The following MGAT3 variants were observed in gnomAD, a reference collection of about 807,000 sequenced individuals.
MGAT3 encodes the protein beta-1,4-mannosyl-glycoprotein 4-beta-N-acetylglucosaminyltransferase, also known as GlcNAc-T III.
In MGAT3, 9 loss-of-function variants were observed where a neutral mutation model predicts 29.8. That is an observed-to-expected ratio of 0.30 (90% CI 0.18 to 0.53). The LOEUF (loss-of-function observed/expected upper bound fraction) is 0.53, where lower values mean the gene tolerates loss of function less well. Ranked by LOEUF, MGAT3 falls within the 20% of genes least tolerant of loss-of-function variation. MGAT3 has a pLI of 0.96. For missense variants in MGAT3, 557 were observed against 769.5 expected (o/e 0.72, Z 3.27); for synonymous variants, 397 against 348.9 (o/e 1.14, Z -1.54).
At position 39,487,779 on chromosome 22, in the gene MGAT3, G is replaced by A. The variant is rs749520488; in HGVS notation, c.432G>A (p.Ser144=). 5.4e-6 allele frequency: 8 copies of A among 1,491,862 alleles called. No individual in the cohort carries two copies. The highest frequency in any genetic ancestry group is 7.1e-6 in the Non-Finnish European group (8 of 1,123,520). 92.4% of individuals were successfully genotyped at this position (1,491,862 alleles called of 1,614,324 possible). A position where few individuals can be genotyped will look rare whatever the true frequency, so the allele number is the denominator to read the frequency against. ...EEKPEGANGS[S]ARRPPRYLLS... ...AGCCTGAGGGGGCCAACGGCTCCTC[G>A]GCCCGGCGGCCACCCCGGTACCTCC... The change falls in exon 2 of 2, where the codon TCG becomes TCA. Residue 144 remains serine, a synonymous_variant. Coordinates refer to ENST00000341184, the MANE Select transcript of MGAT3 (RefSeq NM_002409.5). This position sits in a 1 kb window ranked among gnomAD's most constrained non-coding sequence, Gnocchi z 5.7.
At chr22:39,475,127 G>GTTTTTTTTTTTTTTTT (rs1928916246) in intron 1 of MGAT3, among the ~76,000 whole-genome samples, 3 of 113,106 alleles carry the variant, frequency 2.7e-5, no homozygotes, top group African/African-American at 1.4e-4. Context: ...GGCTTGCCAG[G>GTTTTTTTTTTTTTTTT]CTTTTTTTTT....
In MGAT3 at chr22:39,490,255, A is replaced by G. The variant is rs1480472918; in HGVS notation, c.*1306A>G. 1 of 167,110 alleles carries G rather than the reference A, an allele frequency of 6.0e-6. No homozygotes were observed. Among genetic ancestry groups the G allele is most frequent in the African/African-American group, 2.4e-5 (1 of 41,454 alleles). 10.4% of individuals were successfully genotyped at this position (167,110 alleles called of 1,614,324 possible). On this transcript the variant is annotated 3_prime_UTR_variant, in exon 2 of 2. Coordinates refer to ENST00000341184, the MANE Select transcript of MGAT3 (RefSeq NM_002409.5). ...CCAAGCCTGGGGGAAGCAGAAATAG[A>G]CAAGAGGGCACACCCACTTTTTGCT...
intron 1 of MGAT3, among the ~76,000 whole-genome samples, chr22:39,479,136 G>A (rs530166954): frequency 2.0e-5 from 3 of 152,332 alleles, no homozygotes; most frequent in Admixed American, 6.5e-5. Context: ...CCAGGAGGTC[G>A]AGACCAGCTT....
In MGAT3 at chr22:39,479,510, C is replaced by T. The variant is rs1929063159; in HGVS notation, c.-1-7837C>T. Among the ~76,000 whole-genome samples, 3 of 152,328 alleles carry T rather than the reference C, an allele frequency of 2.0e-5. No homozygotes were observed. In the South Asian group the frequency reaches 6.2e-4, roughly 32 times the overall value. ...CCACAGCAGGTTTAGGTTTTGCTCCCTGTTGCCCTGAGATAGGACAGCACC... is the reference window on the plus strand; with the variant it reads ...CCACAGCAGGTTTAGGTTTTGCTCCTTGTTGCCCTGAGATAGGACAGCACC... On this transcript the variant is annotated intron_variant, in intron 1 of 1. Coordinates refer to ENST00000341184, the MANE Select transcript of MGAT3 (RefSeq NM_002409.5).
In MGAT3 at chr22:39,488,682, C is replaced by T; in HGVS notation, c.1335C>T (p.Asp445=). The T allele has an allele frequency of 6.2e-7, 1 of 1,613,868 alleles. No homozygotes were observed. Among genetic ancestry groups the T allele is most frequent in the Non-Finnish European group, 8.5e-7 (1 of 1,180,026 alleles). Residue 445 remains aspartate (D), a synonymous_variant, in exon 2 of 2, where the codon GAC becomes GAT. Coordinates refer to ENST00000341184, the MANE Select transcript of MGAT3 (RefSeq NM_002409.5). ...ATGGCGACTTCCCACGCTGGGGTGACTACGAGGACAAGCGGGACCTGAACT... is the reference window on the plus strand; with the variant it reads ...ATGGCGACTTCCCACGCTGGGGTGATTACGAGGACAAGCGGGACCTGAACT... The part of the protein sequence containing the change: ...AQNGDFPRWG[D]YEDKRDLNYI...
rs1024721055 is a variant in MGAT3 at position 39,472,779 on chromosome 22, A to C, written c.-1-14568A>C. On this transcript the variant is annotated intron_variant, in intron 1 of 1. Transcript: ENST00000341184. ...GACAAGGTTAGTTCCTCCTGCAGTCATCTAACTGACACCTGGGCTCAGCCT... is the reference window on the plus strand; with the variant it reads ...GACAAGGTTAGTTCCTCCTGCAGTCCTCTAACTGACACCTGGGCTCAGCCT... 12 of 152,260 alleles carry C rather than the reference A, an allele frequency of 7.9e-5. 1 individual carries two copies. Among genetic ancestry groups the C allele is most frequent in the Admixed American group, 5.2e-4 (8 of 15,282 alleles). 9.4% of individuals were successfully genotyped at this position (152,260 alleles called of 1,614,324 possible).
intron 1 of MGAT3, among the ~76,000 whole-genome samples, chr22:39,460,946 C>T (rs1159363277): frequency 2.6e-5 from 4 of 152,136 alleles, no homozygotes. Flanking sequence ...CACCACCTGC[C>T]CTTCGAGATG....
At chr22:39,483,441 C>T (rs994855785) in intron 1 of MGAT3, among the ~76,000 whole-genome samples, 2 of 151,866 alleles carry the variant, frequency 1.3e-5, no homozygotes, top group African/African-American at 4.8e-5. Context: ...GCTGAGATCG[C>T]ACCATTGCAC....
intron 1 of MGAT3, among the ~76,000 whole-genome samples, chr22:39,464,585 C>T (rs1445436171): frequency 4.6e-5 from 7 of 151,448 alleles, no homozygotes; most frequent in East Asian, 1.9e-4. Context: ...GGATTATAGA[C>T]GCCCACCACC....
At position 39,488,498 on chromosome 22, in the gene MGAT3, G is replaced by A. The variant is rs760872307; in HGVS notation, c.1151G>A (p.Arg384His). 6.2e-7 allele frequency: 1 copy of A among 1,613,060 alleles called. No homozygotes were observed. The highest frequency in any genetic ancestry group is 8.5e-7 in the Non-Finnish European group (1 of 1,180,022). ...YGLDGIRLRR[R>H]QYYTMPNFRQ... is the part of the protein sequence containing the mutation. ...CTGGACGGCATCCGCCTGCGCCGCC[G>A]CCAGTACTACACCATGCCCAACTTC... is the stretch of plus-strand genomic sequence containing the variant. Residue 384 changes from arginine to histidine, a missense_variant, in exon 2 of 2, where the codon CGC becomes CAC. By Grantham distance (29) the Arg-to-His change is conservative. Coordinates refer to ENST00000341184, the MANE Select transcript of MGAT3 (RefSeq NM_002409.5).
chr22:39,465,643 T>G (rs1453055000), intron 1 of MGAT3, among the ~76,000 whole-genome samples: 1 of 152,078 alleles, frequency 6.6e-6, no homozygotes, highest in African/African-American at 2.4e-5. Flanking sequence ...TGGCCCATGG[T>G]TCCTGAGATA....
chr22:39,482,290 T>C (rs1929150184), intron 1 of MGAT3, among the ~76,000 whole-genome samples: 1 of 152,120 alleles, frequency 6.6e-6, no homozygotes, highest in Non-Finnish European at 1.5e-5. Context: ...TGCCCAGCTT[T>C]GATGAAGCTT....
At position 39,471,656 on chromosome 22, in the gene MGAT3, C is replaced by A. The variant is rs8137052; in HGVS notation, c.-2+14099C>A. On this transcript the variant is annotated intron_variant, in intron 1 of 1. Coordinates refer to ENST00000341184, the MANE Select transcript of MGAT3 (RefSeq NM_002409.5). ...TGCCCTTGGGAGTCCCCCTGTCCCC[C>A]ACACCACACAGGGCATCGGTTCTAT... Among the ~76,000 whole-genome samples, 96 of 152,002 alleles carry A rather than the reference C, an allele frequency of 6.3e-4. 1 individual carries two copies. Among genetic ancestry groups the A allele is most frequent in the Non-Finnish European group, 2.8e-4 (19 of 67,966 alleles).
intron 1 of MGAT3, among the ~76,000 whole-genome samples, chr22:39,465,955 A>G (rs1490259079): frequency 2.0e-5 from 3 of 151,752 alleles, no homozygotes; most frequent in Non-Finnish European, 4.4e-5. Context: ...AAAAGAAAAG[A>G]AAAAAGCCTG....
intron 1 of MGAT3, chr22:39,477,529 C>T (rs1399376124): frequency 4.7e-5 from 7 of 148,890 alleles, no homozygotes; most frequent in South Asian, 2.2e-4. Context: ...GGTCGTCCAG[C>T]GGGAAACCCA....
chr22:39,470,014 C>T (rs1297718104), intron 1 of MGAT3, among the ~76,000 whole-genome samples: 1 of 152,246 alleles, frequency 6.6e-6, no homozygotes, highest in Non-Finnish European at 1.5e-5. Flanking sequence ...ATCTGGGCTC[C>T]TGTGTCTTTG....
intron 1 of MGAT3, among the ~76,000 whole-genome samples, chr22:39,460,110 C>G (rs910744225): frequency 6.6e-6 from 1 of 152,228 alleles, no homozygotes; most frequent in East Asian, 1.9e-4. Flanking sequence ...CCAGCCAAGT[C>G]ATTCAGGGTA....
At chr22:39,470,054 C>T (rs1011426319) in intron 1 of MGAT3, among the ~76,000 whole-genome samples, 1 of 152,268 alleles carries the variant, frequency 6.6e-6, no homozygotes, top group African/African-American at 2.4e-5. Flanking sequence ...GCAGCTGTCC[C>T]TGCAGTGCAT....
At position 39,489,482 on chromosome 22, in the gene MGAT3, G is replaced by C. The variant is rs1047890406; in HGVS notation, c.*533G>C. The C allele has an allele frequency of 5.6e-6, 1 of 177,432 alleles. No homozygotes were observed. Among genetic ancestry groups the C allele is most frequent in the Non-Finnish European group, 1.4e-5 (1 of 73,976 alleles). The allele number at this position is 177,432 out of a possible 1,614,324, so 11.0% of individuals were successfully genotyped here. On this transcript the variant is annotated 3_prime_UTR_variant, in exon 2 of 2. Transcript: ENST00000341184. ...AGATGAAAAAGCCACATCCTACCAA[G>C]AGGAGGTGCTGAGGGATGCTTTGCA...
Sources: gnomAD v4.1 joint callset for allele counts (sites outside exome capture counted in the v4.1 genomes callset) on GRCh38, gnomAD v4.1.1 for gene constraint, Gnocchi (gnomAD v3.1) non-coding constraint, MANE v1.5 for transcripts, NCBI Gene and HGNC (gene_info 2026-07-23, HGNC 2026-07-21) for gene names.